The following FAT3 variants were observed in gnomAD, a reference collection of about 807,000 sequenced individuals.
FAT3 encodes the protein FAT atypical cadherin 3.
FAT3 carries 95 observed loss-of-function variants against 310.2 expected under a neutral mutation model. The ratio of observed to expected loss-of-function variants is 0.31; its 90% CI spans 0.26 to 0.36. FAT3 has a LOEUF of 0.36. Among genes scored for constraint, FAT3 ranks in the 10% least tolerant of loss-of-function variants. The probability of loss-of-function intolerance (pLI) is 1.00; values close to 1 mark genes in which losing one functional copy is unlikely to be tolerated. For missense variants in FAT3, 5,408 were observed against 5,715.6 expected, an observed-to-expected ratio of 0.95 and a Z score of 1.74; for synonymous variants, 2,314 against 2,192.9, an observed-to-expected ratio of 1.06 and a Z score of -1.54.
rs1336598628 is a variant in FAT3, at chr11:92,843,814, G to T, written c.10567-120G>T. On this transcript the variant is annotated intron_variant, in intron 18 of 27. Transcript: ENST00000525166. ...ATCCTCAGCATTTTTCAGAATAGTGGCAAGGAATGAAGGAAGAAGCAAACG... is the reference window on the plus strand; with the variant it reads ...ATCCTCAGCATTTTTCAGAATAGTGTCAAGGAATGAAGGAAGAAGCAAACG... 1.6e-5 allele frequency: 15 copies of T among 947,810 alleles called. No individual in the cohort carries two copies. The African/African-American group carries it at 2.5e-4, about 16-fold the overall frequency. The allele number at this position is 947,810 out of a possible 1,614,324, so 58.7% of individuals were successfully genotyped here.
chr11:92,711,583 C>T (rs555639510), intron 4 of FAT3, among the ~76,000 whole-genome samples: 10 of 152,178 alleles, frequency 6.6e-5, no homozygotes, highest in South Asian at 2.1e-4. Flanking sequence ...TCAGCTTGCA[C>T]GCAAATATGA....
At chr11:92,659,999 G>A (rs1323792394) in intron 3 of FAT3, among the ~76,000 whole-genome samples, 2 of 152,130 alleles carry the variant, frequency 1.3e-5, no homozygotes, top group Non-Finnish European at 2.9e-5. Context: ...CAAATGTTGA[G>A]AATATGGCTG....
chr11:92,304,615 A>G (rs1046612780), intron 1 of FAT3, among the ~76,000 whole-genome samples: 1 of 152,130 alleles, frequency 6.6e-6, no homozygotes, highest in African/African-American at 2.4e-5. Flanking sequence ...AGATGTGAAG[A>G]GGCAAAAATG....
intron 3 of FAT3, among the ~76,000 whole-genome samples, chr11:92,593,607 T>C (rs1939551291): frequency 6.6e-6 from 1 of 152,128 alleles, no homozygotes; most frequent in South Asian, 2.1e-4. Context: ...CATCAACTAA[T>C]AATCAAGTGC....
At chr11:92,436,034 A>G (rs895478874) in intron 2 of FAT3, among the ~76,000 whole-genome samples, 2 of 152,196 alleles carry the variant, frequency 1.3e-5, no homozygotes. Flanking sequence ...TCTCTCATTC[A>G]TCTGTGCACA....
At chr11:92,250,589 G>A (rs1865097610) in intron 1 of FAT3, among the ~76,000 whole-genome samples, 1 of 152,038 alleles carries the variant, frequency 6.6e-6, no homozygotes, top group African/African-American at 2.4e-5. Context: ...ATTAATTTCT[G>A]ACAGCAAATT....
At chr11:92,536,144 G>C (rs1954251968) in intron 3 of FAT3, among the ~76,000 whole-genome samples, 1 of 152,104 alleles carries the variant, frequency 6.6e-6, no homozygotes, top group African/African-American at 2.4e-5. Flanking sequence ...TTATAAAAGT[G>C]TGTAAGTGTT....
intron 3 of FAT3, among the ~76,000 whole-genome samples, chr11:92,688,308 TGAC>T (rs879801130): frequency 6.6e-6 from 1 of 152,194 alleles, no homozygotes; most frequent in Non-Finnish European, 1.5e-5. Context: ...ATTCAGATGA[TGAC>T]ATACGGGAGG....
At position 92,353,479 on chromosome 11, in the gene FAT3, C is replaced by T; in HGVS notation, c.1367C>T (p.Ala456Val). ...EVTNKEGDLKAQVTISIEDAN... is the reference protein window; with the variant it reads ...EVTNKEGDLKVQVTISIEDAN... Reference sequence around the variant, plus strand: ...ACAAACAAGGAAGGAGATTTAAAAGCACAGGTCACCATCAGCATAGAAGAT... The same window carrying T: ...ACAAACAAGGAAGGAGATTTAAAAGTACAGGTCACCATCAGCATAGAAGAT... Residue 456 changes from alanine to valine, a missense_variant, in exon 2 of 28, where the codon GCA becomes GTA. Around this residue, in one of 5 missense-constraint regions of FAT3, gnomAD observed 4,588 missense variants for 4,809.8 expected, o/e 0.95. Transcript: ENST00000525166. The T allele has an allele frequency of 6.2e-7, 1 of 1,613,362 alleles. No individual in the cohort carries two copies. The highest frequency in any genetic ancestry group is 8.5e-7 in the Non-Finnish European group (1 of 1,179,660).
intron 3 of FAT3, among the ~76,000 whole-genome samples, chr11:92,528,626 T>G (rs1209258542): frequency 1.3e-5 from 2 of 151,710 alleles, no homozygotes; most frequent in Non-Finnish European, 2.9e-5. Flanking sequence ...GACCTCATGA[T>G]CCGCCCGCCT....
At chr11:92,660,128 G>A (rs1469454466) in intron 3 of FAT3, among the ~76,000 whole-genome samples, 1 of 151,952 alleles carries the variant, frequency 6.6e-6, no homozygotes, top group African/African-American at 2.4e-5. Flanking sequence ...ACTAGCAAGA[G>A]TTCTACATAA....
chr11:92,289,825 G>A (rs983865350), intron 1 of FAT3, among the ~76,000 whole-genome samples: 1 of 152,000 alleles, frequency 6.6e-6, no homozygotes, highest in East Asian at 1.9e-4. Flanking sequence ...GCTGTCATCT[G>A]TTTGCAACAC....
chr11:92,522,226 G>A (rs1048235867), intron 2 of FAT3, among the ~76,000 whole-genome samples: 11 of 152,116 alleles, frequency 7.2e-5, no homozygotes, highest in African/African-American at 2.4e-4. Context: ...TCTGTTCTAT[G>A]ACTTGCAGAG....
chr11:92,703,412 A>G (rs897228841), intron 4 of FAT3, among the ~76,000 whole-genome samples: 1 of 152,198 alleles, frequency 6.6e-6, no homozygotes, highest in African/African-American at 2.4e-5. Flanking sequence ...CTTCTTAGGC[A>G]TCTCTTTCTG....
chr11:92,278,303 G>T (rs962043125), intron 1 of FAT3, among the ~76,000 whole-genome samples: 1 of 152,084 alleles, frequency 6.6e-6, no homozygotes, highest in Non-Finnish European at 1.5e-5. Context: ...TCTCATTAGG[G>T]TTTGCTCCCT....
At chr11:92,720,268 A>G (rs1196977936) in intron 4 of FAT3, among the ~76,000 whole-genome samples, 1 of 152,220 alleles carries the variant, frequency 6.6e-6, no homozygotes, top group African/African-American at 2.4e-5. Context: ...CTTCACGAGC[A>G]CTTTAATATC....
At chr11:92,678,048 G>A (rs518380) in intron 3 of FAT3, among the ~76,000 whole-genome samples, 152,321 of 152,332 alleles carry the variant, frequency 1, 76,155 homozygotes, top group Middle Eastern at 1. Context: ...TACAAAGTTC[G>A]CTTTGTGACT....
Position 92,258,767 on chromosome 11 carries a change from A to G in FAT3, c.-18+33593A>G, listed in dbSNP as rs531818266. ...GCCGTGTACACAAGGAATTGGAGGCACATGGGGGTTAGAGAAAGAGATGCA... is the reference window on the plus strand; with the variant it reads ...GCCGTGTACACAAGGAATTGGAGGCGCATGGGGGTTAGAGAAAGAGATGCA... On this transcript the variant is annotated intron_variant, in intron 1 of 27. Coordinates refer to ENST00000525166, the MANE Select transcript of FAT3 (RefSeq NM_001367949.2). 6.6e-5 allele frequency among the ~76,000 whole-genome samples: 10 copies of G among 152,166 alleles called. No individual in the cohort carries two copies. The South Asian group carries it at 2.1e-3, about 32-fold the overall frequency.
chr11:92,415,068 A>G (rs1950379328), intron 2 of FAT3, among the ~76,000 whole-genome samples: 1 of 152,158 alleles, frequency 6.6e-6, no homozygotes, highest in African/African-American at 2.4e-5. Flanking sequence ...TTGTATTTTA[A>G]TATTTCTGCA....
Sources: gnomAD v4.1 joint callset for allele counts (sites outside exome capture counted in the v4.1 genomes callset) on GRCh38, gnomAD v4.1.1 for gene constraint, gnomAD v4.1.1 regional missense constraint, MANE v1.5 for transcripts, NCBI Gene and HGNC (gene_info 2026-07-23, HGNC 2026-07-21) for gene names.